USP9X: variants seen among roughly 807,000 people sequenced by gnomAD.
USP9X encodes ubiquitin carboxyl-terminal hydrolase 9X.
USP9X carries 7 observed loss-of-function variants against 190.3 expected under a neutral mutation model. The ratio of observed to expected loss-of-function variants is 0.04; its 90% CI spans 0.02 to 0.07. The LOEUF (loss-of-function observed/expected upper bound fraction) is 0.07, where lower values mean the gene tolerates loss of function less well. Among genes scored for constraint, USP9X ranks in the 10% least tolerant of loss-of-function variants. The pLI is 1.00. For synonymous variants in USP9X, 645 were observed against 659.5 expected (o/e 0.98, Z 0.34); for missense variants, 1,010 against 1,916.9 (o/e 0.53, Z 8.83).
chrX:41,123,563 A>C lies in USP9X; in HGVS notation c.-66A>C. 1 of 947,718 alleles carries C rather than the reference A, an allele frequency of 1.1e-6. No homozygotes were observed. Among genetic ancestry groups the C allele is most frequent in the Non-Finnish European group, 1.5e-6 (1 of 666,444 alleles). 78.1% of individuals were successfully genotyped at this position (947,718 alleles called of 1,213,427 possible). On this transcript the variant is annotated 5_prime_UTR_variant, in exon 2 of 45. Coordinates refer to ENST00000378308, the MANE Select transcript of USP9X (RefSeq NM_001039591.3). ...GTACTTCATCTTCTATAAGTGGACT[A>C]TAATTTCTTTTCTCAAGACAACTAC...
intron 27 of USP9X, 76 bp from the exon 28 acceptor site, chrX:41,196,516 A>G (rs2062985900): frequency 3.6e-6 from 4 of 1,125,607 alleles, no homozygotes; most frequent in Non-Finnish European, 4.8e-6. Context: ...CATCTTCTCT[A>G]GTTAACTCTG....
intron 1 of USP9X, among the ~76,000 whole-genome samples, chrX:41,091,909 C>T (rs948688482): frequency 1.8e-5 from 2 of 111,862 alleles, no homozygotes; most frequent in African/African-American, 6.5e-5. Flanking sequence ...ATAATAAGGT[C>T]AGGGATTCTG....
Position 41,228,577 on chromosome X carries a change from T to C in USP9X, c.7062-676T>C, listed in dbSNP as rs149691779. On this transcript the variant is annotated intron_variant, in intron 41 of 44. Transcript: ENST00000378308. ...CAGAGATGCAGTTTTATAAAAGGTA[T>C]TGATGTGTAGCAAATTACCCTCAAC... Among the ~76,000 whole-genome samples the C allele has an allele frequency of 7.4e-4, 82 of 111,190 alleles. No homozygotes were observed. In the East Asian group the frequency reaches 0.022, roughly 30 times the overall value.
chrX:41,126,186 CG>C (rs1172265284), intron 2 of USP9X, among the ~76,000 whole-genome samples: 1 of 111,612 alleles, frequency 9.0e-6, no homozygotes, highest in Non-Finnish European at 1.9e-5. Flanking sequence ...GTGAACAAGT[CG>C]GGGGTTTTTT....
At chrX:41,217,557 C>T (rs1328201649) in intron 36 of USP9X, among the ~76,000 whole-genome samples, 1 of 111,395 alleles carries the variant, frequency 9.0e-6, no homozygotes, top group African/African-American at 3.3e-5. Flanking sequence ...CTTCTATTAC[C>T]TTGTATCATA....
chrX:41,112,965 G>A (rs917079881), intron 1 of USP9X, among the ~76,000 whole-genome samples: 1 of 111,765 alleles, frequency 8.9e-6, no homozygotes, highest in Non-Finnish European at 1.9e-5. Flanking sequence ...GCTTTATACA[G>A]TTTTTGTTTT....
intron 12 of USP9X, among the ~76,000 whole-genome samples, chrX:41,150,097 C>T (rs370574321): frequency 1.1e-4 from 12 of 108,512 alleles, no homozygotes; most frequent in South Asian, 3.9e-4. Flanking sequence ...ATTTTGCTGC[C>T]GAAAAAGGAA....
chrX:41,096,140 A>G (rs1316044157), intron 1 of USP9X, among the ~76,000 whole-genome samples: 5 of 111,603 alleles, frequency 4.5e-5, no homozygotes, highest in African/African-American at 6.5e-5. Flanking sequence ...CAGAATGACT[A>G]CTCTCTCAAT....
chrX:41,197,968 C>T (rs943042728), intron 29 of USP9X, among the ~76,000 whole-genome samples: 2 of 111,770 alleles, frequency 1.8e-5, no homozygotes, highest in African/African-American at 6.5e-5. Flanking sequence ...GAGCTGAGAT[C>T]GCACCACTGC....
intron 39 of USP9X, among the ~76,000 whole-genome samples, chrX:41,224,370 C>T (rs994509799): frequency 9.0e-6 from 1 of 111,326 alleles, no homozygotes; most frequent in Admixed American, 9.6e-5. Context: ...CATAGTGGCT[C>T]ATGCCTGTAA....
At chrX:41,197,336 C>A (rs1259068079) in intron 28 of USP9X, 28 bp from the exon 29 acceptor site, 6 of 465,859 alleles carry the variant, frequency 1.3e-5, no homozygotes, top group Non-Finnish European at 1.8e-5. Context: ...TTTCTTCCCC[C>A]CCCCACCCCA....
In USP9X at chrX:41,196,253, C is replaced by G; in HGVS notation, c.3980C>G (p.Thr1327Ser). The G allele has an allele frequency of 8.3e-7, 1 of 1,210,356 alleles. No individual in the cohort carries two copies. Residue 1327 changes from threonine to serine, a missense_variant and splice_region_variant, in exon 27 of 45, where the codon ACT (threonine) becomes AGT (serine). Physicochemically the swap from Thr to Ser is moderately conservative, Grantham distance 58. Transcript: ENST00000378308. ...IDLLLHCHSK[T>S]VRQVAQEQFF... ...ATGTGAAACATTTTTTATTTCAGAA[C>G]TGTTCGTCAGGTGGCACAGGAGCAG...
intron 14 of USP9X, among the ~76,000 whole-genome samples, chrX:41,161,831 G>T (rs1341981278): frequency 9.5e-6 from 1 of 105,196 alleles, no homozygotes; most frequent in African/African-American, 3.5e-5. Flanking sequence ...CAATACTACT[G>T]CCTGGGTTGG....
chrX:41,094,065 A>T (rs907049898), intron 1 of USP9X, among the ~76,000 whole-genome samples: 3 of 111,783 alleles, frequency 2.7e-5, no homozygotes, highest in African/African-American at 9.8e-5. Flanking sequence ...ATAATTAATT[A>T]TCCAGGATTC....
chrX:41,150,741 A>G (rs191405013), intron 12 of USP9X, among the ~76,000 whole-genome samples, 180 bp from the exon 13 acceptor site: 24 of 112,222 alleles, frequency 2.1e-4, no homozygotes, highest in Non-Finnish European at 4.3e-4. Context: ...AGTAAGTGTG[A>G]AATAAAAACA....
At chrX:41,220,138 T>G (rs1426038046) in intron 38 of USP9X, among the ~76,000 whole-genome samples, 1 of 112,385 alleles carries the variant, frequency 8.9e-6, no homozygotes, top group African/African-American at 3.2e-5. Flanking sequence ...TTCATTTGTC[T>G]ATTTAGTTTG....
intron 3 of USP9X, among the ~76,000 whole-genome samples, chrX:41,130,757 A>C (rs1601956773): frequency 2.1e-5 from 2 of 95,130 alleles, no homozygotes; most frequent in Admixed American, 1.2e-4. Flanking sequence ...ACGGTGTCTC[A>C]CTCTGTTGCC....
Position 41,186,650 on chromosome X carries a change from T to C in USP9X, c.3684+8T>C. 8.3e-7 allele frequency: 1 copy of C among 1,209,183 alleles called. No individual in the cohort carries two copies. Among genetic ancestry groups the C allele is most frequent in the Non-Finnish European group, 1.1e-6 (1 of 894,131 alleles). On this transcript the variant is annotated splice_region_variant and intron_variant, in intron 24 of 44. Transcript: ENST00000378308. ...CAGCAGATATCTGATGAGGTTAGTT[T>C]TATCAAGACTTCTGTCACAATTTTA... is the stretch of plus-strand genomic sequence containing the variant.
intron 26 of USP9X, among the ~76,000 whole-genome samples, chrX:41,191,329 C>CAA (rs60716097): frequency 1.7e-4 from 11 of 65,656 alleles, no homozygotes; most frequent in African/African-American, 4.0e-4. Flanking sequence ...AACTCCATGT[C>CAA]AAAAAAAAAA....
Sources: gnomAD v4.1 joint callset for allele counts (sites outside exome capture counted in the v4.1 genomes callset) on GRCh38, gnomAD v4.1.1 for gene constraint, MANE v1.5 for transcripts, NCBI Gene and HGNC (gene_info 2026-07-23, HGNC 2026-07-21) for gene names.